MLLT10: variants seen among roughly 807,000 people sequenced by gnomAD.
MLLT10 encodes MLLT10 histone lysine methyltransferase DOT1L cofactor.
Under a neutral mutation model 129.1 loss-of-function variants are expected in MLLT10, and 30 were observed. That is an observed-to-expected ratio of 0.23 (90% confidence interval 0.17 to 0.32). The LOEUF is 0.32. Ranked by LOEUF, MLLT10 falls within the 10% of genes least tolerant of loss-of-function variation. The pLI is 1.00. For missense variants in MLLT10, 1,119 were observed against 1,268.3 expected, an observed-to-expected ratio of 0.88 and a Z score of 1.79; for synonymous variants, 490 against 446.4, an observed-to-expected ratio of 1.10 and a Z score of -1.23.
intron 8 of MLLT10, among the ~76,000 whole-genome samples, chr10:21,628,996 C>T (rs1316057945): frequency 6.6e-6 from 1 of 152,014 alleles, no homozygotes; most frequent in Admixed American, 6.6e-5. Flanking sequence ...TGATTGCCCA[C>T]CTTGGCCTCC....
intron 8 of MLLT10, chr10:21,625,527 A>G (rs1307168953): frequency 1.2e-6 from 1 of 846,712 alleles, no homozygotes; most frequent in Admixed American, 1.7e-5. Context: ...CTTTTCCAGC[A>G]TCTGGCTTGT....
At position 21,581,456 on chromosome 10, in the gene MLLT10, A is replaced by T. The variant is rs796096517; in HGVS notation, c.241-4838A>T. ...CATGAATGAAGCTTACAGGACTAGA[A>T]GTTGCTCTGGGTGAGTCAGTGAGTA... On this transcript the variant is annotated intron_variant, in intron 3 of 22. Transcript: ENST00000307729. Among the ~76,000 whole-genome samples, 4 of 152,212 alleles carry T rather than the reference A, an allele frequency of 2.6e-5. No individual in the cohort carries two copies. In the South Asian group the frequency reaches 8.3e-4, roughly 31 times the overall value.
chr10:21,534,127 A>C, upstream of MLLT10: 53 of 282,030 alleles, frequency 1.9e-4, no homozygotes, highest in Middle Eastern at 2.1e-3. Flanking sequence ...GGGGAGGGGG[A>C]CGGGGCCCCG....
At chr10:21,710,375 T>C (rs1040352481) in intron 13 of MLLT10, among the ~76,000 whole-genome samples, 1 of 152,216 alleles carries the variant, frequency 6.6e-6, no homozygotes, top group Non-Finnish European at 1.5e-5. Context: ...GTCAGATTGT[T>C]GCTCTTTTAT....
rs1472378067 is a variant in MLLT10, at chr10:21,733,771, T to C, written c.2500T>C (p.Leu834=). ...DNSLPVLNQD[L]TSSGQSTSSS... ...TTTCTCTTCTTTCTTACGCTAGGACTTAACCTCCAGTGGACAAAGTACCAG... is the reference window on the plus strand; with the variant it reads ...TTTCTCTTCTTTCTTACGCTAGGACCTAACCTCCAGTGGACAAAGTACCAG... Residue 834 remains leucine (L), a synonymous_variant, in exon 20 of 23, where the codon TTA becomes CTA. Coordinates refer to ENST00000307729, the MANE Select transcript of MLLT10 (RefSeq NM_001195626.3). The C allele has an allele frequency of 6.2e-7, 1 of 1,610,668 alleles. No homozygotes were observed. The highest frequency in any genetic ancestry group is 1.3e-5 in the African/African-American group (1 of 74,858).
intron 16 of MLLT10, among the ~76,000 whole-genome samples, chr10:21,730,261 C>T (rs1340883913): frequency 4.0e-5 from 6 of 148,244 alleles, no homozygotes; most frequent in African/African-American, 1.5e-4. Context: ...ATCATTGCAC[C>T]ACAGCACTCT....
chr10:21,721,035 T>A (rs1410994533), intron 14 of MLLT10, among the ~76,000 whole-genome samples: 8 of 152,190 alleles, frequency 5.3e-5, no homozygotes, highest in African/African-American at 1.9e-4. Context: ...CCTGAAAGTA[T>A]ATACGAATTA....
intron 8 of MLLT10, among the ~76,000 whole-genome samples, chr10:21,620,747 G>C (rs1258629874): frequency 1.3e-5 from 2 of 152,080 alleles, no homozygotes; most frequent in Non-Finnish European, 1.5e-5. Context: ...CTGGAGTGCA[G>C]TGGCTCGATC....
chr10:21,653,559 G>T (rs1367248073), intron 9 of MLLT10, among the ~76,000 whole-genome samples: 4 of 152,062 alleles, frequency 2.6e-5, no homozygotes, highest in Non-Finnish European at 4.4e-5. Flanking sequence ...ATTAGATTGG[G>T]TCTACCTGGA....
chr10:21,570,255 T>C (rs567093064), intron 3 of MLLT10, among the ~76,000 whole-genome samples: 1 of 151,356 alleles, frequency 6.6e-6, no homozygotes, highest in South Asian at 2.1e-4. Flanking sequence ...TGTGTGTGTT[T>C]AGAGATGGGG....
chr10:21,737,254 A>T (rs1298121118), intron 21 of MLLT10, among the ~76,000 whole-genome samples: 1 of 151,980 alleles, frequency 6.6e-6, no homozygotes, highest in African/African-American at 2.4e-5. Context: ...GAAAGTAAAA[A>T]CCTCATTAAA....
chr10:21,534,355 T>C lies in MLLT10; in HGVS notation c.-166T>C. ...GTGCGGAGGCCCTCTTGATTATGTG[T>C]GCCCTCTCCGGGCGCCCGCGTTAGC... On this transcript the variant is annotated 5_prime_UTR_variant, in exon 1 of 23. Coordinates refer to ENST00000307729, the MANE Select transcript of MLLT10 (RefSeq NM_001195626.3). 1 of 318,708 alleles carries C rather than the reference T, an allele frequency of 3.1e-6. No individual in the cohort carries two copies. The highest frequency in any genetic ancestry group is 4.8e-5 in the Admixed American group (1 of 20,636). The allele number at this position is 318,708 out of a possible 1,614,324, so 19.7% of individuals were successfully genotyped here.
intron 13 of MLLT10, among the ~76,000 whole-genome samples, chr10:21,698,521 A>G (rs1406871142): frequency 1.3e-5 from 2 of 152,232 alleles, no homozygotes; most frequent in African/African-American, 2.4e-5. Context: ...AAGAAATGCT[A>G]TGATAAATAT....
At chr10:21,737,628 G>C (rs560904467) in intron 21 of MLLT10, among the ~76,000 whole-genome samples, 1 of 152,068 alleles carries the variant, frequency 6.6e-6, no homozygotes, top group Admixed American at 6.5e-5. Context: ...GGGTGTTAAC[G>C]GTTAGATAAG....
intron 17 of MLLT10, 61 bp downstream of exon 17, chr10:21,731,115 A>T: frequency 6.8e-7 from 1 of 1,471,726 alleles, no homozygotes; most frequent in African/African-American, 1.4e-5. Flanking sequence ...AAACAGGCAG[A>T]TGGATGCAGA....
chr10:21,738,617 T>C lies in MLLT10; in HGVS notation c.2956-1413T>C, dbSNP rs913646566. 15 of 1,172,958 alleles carry C rather than the reference T, an allele frequency of 1.3e-5. No homozygotes were observed. The African/African-American group carries it at 2.4e-4, about 19-fold the overall frequency. The allele number at this position is 1,172,958 out of a possible 1,614,324, so 72.7% of individuals were successfully genotyped here. ...TCCGCTCGACACTCTTGCTTGACTC[T>C]GCTTCCCCCAGATGACTTGCATGTT... On this transcript the variant is annotated intron_variant, in intron 21 of 22. Transcript: ENST00000307729.
At position 21,612,326 on chromosome 10, in the gene MLLT10, CTTTTT is replaced by C; in HGVS notation, c.406-14_406-10del. On this transcript the variant is annotated splice_polypyrimidine_tract_variant and intron_variant, in intron 5 of 22. Transcript: ENST00000307729. ...TGTTAAGAACATGTATGATTTTTGT[CTTTTT>C]TTTTTTTAACCCCAAGACTTGCTAC... 1 of 1,241,430 alleles carries C rather than the reference CTTTTT, an allele frequency of 8.1e-7. No homozygotes were observed. The highest frequency in any genetic ancestry group is 1.1e-6 in the Non-Finnish European group (1 of 895,180). The allele number at this position is 1,241,430 out of a possible 1,614,324, so 76.9% of individuals were successfully genotyped here.
intron 8 of MLLT10, among the ~76,000 whole-genome samples, chr10:21,622,300 A>G (rs2045959046): frequency 6.7e-6 from 1 of 149,806 alleles, no homozygotes; most frequent in Non-Finnish European, 1.5e-5. Context: ...TGGGACTACC[A>G]GCGTATGCCA....
chr10:21,718,815 C>T (rs2056933332), intron 14 of MLLT10, among the ~76,000 whole-genome samples: 1 of 152,180 alleles, frequency 6.6e-6, no homozygotes, highest in Non-Finnish European at 1.5e-5. Context: ...TCTGCCCCTG[C>T]CAGGTTCAAG....
Sources: gnomAD v4.1 joint callset for allele counts (sites outside exome capture counted in the v4.1 genomes callset) on GRCh38, gnomAD v4.1.1 for gene constraint, MANE v1.5 for transcripts, NCBI Gene and HGNC (gene_info 2026-07-23, HGNC 2026-07-21) for gene names.